CFAP45: variants seen among roughly 807,000 people sequenced by gnomAD.
The protein encoded by CFAP45 is cilia- and flagella-associated protein 45.
Under a neutral mutation model 75.6 loss-of-function variants are expected in CFAP45, and 43 were observed. The ratio of observed to expected loss-of-function variants is 0.57; its 90% CI spans 0.45 to 0.73. The LOEUF is 0.73. Among genes scored for constraint, CFAP45 ranks in the 30% least tolerant of loss-of-function variants. The probability of loss-of-function intolerance (pLI) is 0.00; values close to 1 mark genes in which losing one functional copy is unlikely to be tolerated. For missense variants in CFAP45, 689 were observed against 701.5 expected (o/e 0.98, Z 0.20); for synonymous variants, 223 against 244.6 (o/e 0.91, Z 0.82).
At chr1:159,896,011 G>A (rs1649944098) in intron 1 of CFAP45, among the ~76,000 whole-genome samples, 1 of 152,230 alleles carries the variant, frequency 6.6e-6, no homozygotes, top group Admixed American at 6.5e-5. Context: ...GAATACAACT[G>A]CCTGACTCCA....
At chr1:159,887,093 A>C (rs1649706772) in intron 5 of CFAP45, among the ~76,000 whole-genome samples, 1 of 152,188 alleles carries the variant, frequency 6.6e-6, no homozygotes. Flanking sequence ...CATGAACTCC[A>C]GGTTGGACCC....
At chr1:159,891,635 A>G (rs1011371020) in intron 2 of CFAP45, among the ~76,000 whole-genome samples, 1 of 152,238 alleles carries the variant, frequency 6.6e-6, no homozygotes, top group African/African-American at 2.4e-5. Flanking sequence ...TAATGCAGCC[A>G]CTGTGCTCCT....
In CFAP45 at chr1:159,876,655, GC is replaced by G; in HGVS notation, c.1252del (p.Ala418LeufsTer108). 6.2e-7 allele frequency: 1 copy of G among 1,614,184 alleles called. No individual in the cohort carries two copies. Among genetic ancestry groups the G allele is most frequent in the Non-Finnish European group, 8.5e-7 (1 of 1,180,030 alleles). On this transcript the variant is annotated frameshift_variant, in exon 10 of 12. Transcript: ENST00000368099. LOFTEE classifies it high-confidence loss of function. ...ENARKKMETE[A>X]ELRKSRLEQV... ...TTCGAGCCGACTTTTTCGCAGCTCA[GC>G]CTCTGTTTCCATCTTCTTCCGCGCA...
chr1:159,885,603 T>C (rs1467664209), intron 6 of CFAP45, among the ~76,000 whole-genome samples: 1 of 152,212 alleles, frequency 6.6e-6, no homozygotes, highest in African/African-American at 2.4e-5. Flanking sequence ...GGAGACTGAA[T>C]TTATTCATCC....
intron 6 of CFAP45, 58 bp from the exon 7 acceptor site, chr1:159,884,623 C>T: frequency 6.5e-7 from 1 of 1,541,542 alleles, no homozygotes; most frequent in Non-Finnish European, 8.8e-7. Context: ...CTCCCAGAGT[C>T]CAACCTCCAC....
At chr1:159,895,079 G>A (rs548189439) in intron 1 of CFAP45, among the ~76,000 whole-genome samples, 2 of 152,290 alleles carry the variant, frequency 1.3e-5, no homozygotes, top group East Asian at 3.9e-4. Context: ...ACTTAAATTG[G>A]AATTCTGGCT....
At chr1:159,893,333 C>T (rs1010362955) in intron 1 of CFAP45, 28 bp from the exon 2 acceptor site, 2 of 1,610,174 alleles carry the variant, frequency 1.2e-6, no homozygotes, top group African/African-American at 1.3e-5. Context: ...AAGTTTGGGT[C>T]ATCAGTACTG....
intron 10 of CFAP45, 185 bp from the exon 11 acceptor site, chr1:159,873,353 C>G: frequency 5.0e-6 from 3 of 602,870 alleles, no homozygotes; most frequent in Non-Finnish European, 8.8e-6. Context: ...ATGCATGCCC[C>G]CTTCTCCTAC....
chr1:159,884,247 T>A (rs1649621435), intron 7 of CFAP45, among the ~76,000 whole-genome samples, 189 bp downstream of exon 7: 1 of 152,216 alleles, frequency 6.6e-6, no homozygotes, highest in South Asian at 2.1e-4. Flanking sequence ...TCCAAATCAC[T>A]GCTCATCCCG....
intron 8 of CFAP45, among the ~76,000 whole-genome samples, chr1:159,878,915 G>C (rs922527124): frequency 5.9e-5 from 9 of 152,034 alleles, no homozygotes; most frequent in African/African-American, 1.9e-4. Flanking sequence ...GGGAACTCTG[G>C]GTGTTTCTAC....
Position 159,873,035 on chromosome 1 carries a change from T to C in CFAP45, c.1486A>G (p.Thr496Ala), listed in dbSNP as rs748956488. 5.6e-6 allele frequency: 9 copies of C among 1,614,216 alleles called. No individual in the cohort carries two copies. The highest frequency in any genetic ancestry group is 7.6e-6 in the Non-Finnish European group (9 of 1,180,028). ...TTGAGGCGCCGGCCCTCCTCAAAGG[T>C]GGCAATCCGGTTCTGCACTTCCTTC... ...QQKEVQNRIA[T>A]FEEGRRLKEE... is the part of the protein sequence containing the mutation. The change falls in exon 11 of 12, where the codon ACC (threonine) becomes GCC (alanine). Residue 496 changes from threonine to alanine, a missense_variant. Physicochemically the swap from Thr to Ala is moderately conservative, Grantham distance 58. Coordinates refer to ENST00000368099, the MANE Select transcript of CFAP45 (RefSeq NM_012337.3).
chr1:159,891,878 C>T (rs534115853), intron 2 of CFAP45, among the ~76,000 whole-genome samples: 3 of 152,190 alleles, frequency 2.0e-5, no homozygotes, highest in Non-Finnish European at 4.4e-5. Context: ...CCCCCTTTTG[C>T]CAGCCAGCAT....
chr1:159,881,748 C>G (rs552464883), intron 7 of CFAP45, among the ~76,000 whole-genome samples: 1 of 152,282 alleles, frequency 6.6e-6, no homozygotes, highest in South Asian at 2.1e-4. Context: ...CAGACCTGAG[C>G]CTTCAACAGC....
Position 159,872,569 on chromosome 1 carries a change from G to A in CFAP45, c.1578-6C>T, listed in dbSNP as rs753536508. The stretch of plus-strand genomic sequence containing the variant: ...TCTCGGGAAGGCCAGTGGCTCTGCC[G>A]GGGAAACGCAGGCAGGTATAAGGAA... On this transcript the variant is annotated splice_polypyrimidine_tract_variant and splice_region_variant and intron_variant, in intron 11 of 11. Transcript: ENST00000368099. The A allele has an allele frequency of 1.1e-4, 180 of 1,612,694 alleles. No individual in the cohort carries two copies. Among genetic ancestry groups the A allele is most frequent in the Admixed American group, 1.8e-4 (11 of 60,002 alleles).
At chr1:159,876,843 A>G in intron 9 of CFAP45, 94 bp from the exon 10 acceptor site, 2 of 1,192,710 alleles carry the variant, frequency 1.7e-6, no homozygotes, top group East Asian at 2.4e-5. Context: ...AGACTCTGAC[A>G]GTCTGCTTTG....
At position 159,891,006 on chromosome 1, in the gene CFAP45, G is replaced by A. The variant is rs577214357; in HGVS notation, c.130-384C>T. Among the ~76,000 whole-genome samples, 68 of 152,154 alleles carry A rather than the reference G, an allele frequency of 4.5e-4. 1 individual carries two copies. The highest frequency in any genetic ancestry group is 6.8e-3 in the Middle Eastern group (2 of 294). ...TCTCCTGACCTCAGATGATCCGCCC[G>A]CCTGGGCCTCCCAAAGTGCTGGGAT... is the stretch of plus-strand genomic sequence containing the variant. On this transcript the variant is annotated intron_variant, in intron 2 of 11. Coordinates refer to ENST00000368099, the MANE Select transcript of CFAP45 (RefSeq NM_012337.3).
chr1:159,887,434 C>T (rs1318439018), intron 5 of CFAP45, among the ~76,000 whole-genome samples: 1 of 152,218 alleles, frequency 6.6e-6, no homozygotes, highest in African/African-American at 2.4e-5. Context: ...CCAAAAGCAT[C>T]CAATTGCCTC....
chr1:159,889,443 G>GT, intron 3 of CFAP45, among the ~76,000 whole-genome samples: 1 of 152,328 alleles, frequency 6.6e-6, no homozygotes, highest in African/African-American at 2.4e-5. Flanking sequence ...GACAGAATGA[G>GT]TGAGTAGATT....
chr1:159,883,624 ATATAT>A lies in CFAP45; in HGVS notation c.897+807_897+811del, dbSNP rs1426253007. On this transcript the variant is annotated intron_variant, in intron 7 of 11. Transcript: ENST00000368099. ...TACTTTCAAATAGTTTAACAATAAA[ATATAT>A]ATATATATATATATATATATATATA... 7.8e-3 allele frequency among the ~76,000 whole-genome samples: 1,005 copies of A among 128,720 alleles called. 17 individuals carry two copies. The highest frequency in any genetic ancestry group is 0.031 in the African/African-American group (962 of 30,706). 84.4% of individuals were successfully genotyped at this position (128,720 alleles called of 152,430 possible).
Sources: allele counts gnomAD v4.1 joint callset (sites outside exome capture counted in the v4.1 genomes callset), GRCh38; gene constraint gnomAD v4.1.1; transcripts MANE v1.5; gene names NCBI Gene and HGNC (gene_info 2026-07-23, HGNC 2026-07-21).